The following TIMM44 variants were observed in gnomAD, a reference collection of about 807,000 sequenced individuals.
TIMM44 encodes translocase of inner mitochondrial membrane 44.
TIMM44 carries 37 observed loss-of-function variants against 63.8 expected under a neutral mutation model. The ratio of observed to expected loss-of-function variants is 0.58; its 90% CI spans 0.45 to 0.76. The LOEUF (loss-of-function observed/expected upper bound fraction) is 0.76, where lower values mean the gene tolerates loss of function less well. Ranked by LOEUF, TIMM44 falls within the 30% of genes least tolerant of loss-of-function variation. The pLI, the probability that TIMM44 is intolerant of heterozygous loss-of-function variation, is 0.00. For missense variants in TIMM44, 573 were observed against 603.8 expected, an observed-to-expected ratio of 0.95 and a Z score of 0.54; for synonymous variants, 239 against 245.1, an observed-to-expected ratio of 0.98 and a Z score of 0.23.
In TIMM44 at chr19:7,933,683, C is replaced by T. The variant is rs540475304; in HGVS notation, c.684-113G>A. 8.8e-5 allele frequency: 114 copies of T among 1,302,672 alleles called. 2 individuals are homozygous for T. In the South Asian group the frequency reaches 1.3e-3, roughly 15 times the overall value. The allele number at this position is 1,302,672 out of a possible 1,614,324, so 80.7% of individuals were successfully genotyped here. A position where few individuals can be genotyped will look rare whatever the true frequency, so the allele number is the denominator to read the frequency against. On this transcript the variant is annotated intron_variant, in intron 6 of 12. Transcript: ENST00000270538. The surrounding 1 kb of genome is among the most constrained non-coding windows in gnomAD (Gnocchi z 4.3). ...ACAGCAGGCAGCTGAGACCTCAAAC[C>T]TAGGGGCTCTGAGGACCCCGCCCTC...
rs556196182 is a variant in TIMM44 at position 7,934,314 on chromosome 19, C to A, written c.394-76G>T. 1.7e-5 allele frequency: 27 copies of A among 1,580,976 alleles called. No homozygotes were observed. In the South Asian group the frequency reaches 2.9e-4, roughly 17 times the overall value. ...GGGGGCGGGGCAGGAGGAATGAATTCCTGCCGGAGAGAAGGGCGGATCTGG... is the reference window on the plus strand; with the variant it reads ...GGGGGCGGGGCAGGAGGAATGAATTACTGCCGGAGAGAAGGGCGGATCTGG... On this transcript the variant is annotated intron_variant, in intron 4 of 12. Coordinates refer to ENST00000270538, the MANE Select transcript of TIMM44 (RefSeq NM_006351.4). This position sits in a 1 kb window ranked among gnomAD's most constrained non-coding sequence, Gnocchi z 5.3.
Position 7,938,180 on chromosome 19 carries a change from A to G in TIMM44, c.159T>C (p.Ser53=). 6.2e-7 allele frequency: 1 copy of G among 1,613,480 alleles called. No individual in the cohort carries two copies. Among genetic ancestry groups the G allele is most frequent in the Non-Finnish European group, 8.5e-7 (1 of 1,179,872 alleles). The change falls in exon 3 of 13, where the codon TCT becomes TCC. Residue 53 remains serine (S), a synonymous_variant. Coordinates refer to ENST00000270538, the MANE Select transcript of TIMM44 (RefSeq NM_006351.4). The part of the protein sequence containing the change: ...GELPLSKSYS[S]GNRKGFLSGL... ...CGGACAGAAAGCCTTTTCTGTTTCC[A>G]GAAGAATATGATTTGGACTAGAAAG...
rs1286086903 is a variant in TIMM44, at chr19:7,932,739, G to A, written c.875C>T (p.Ser292Phe). ...GAGCACCTCCGACATCTCTGTCTTGGAGAACAGGCCCCCTGCAGGGAGCAG... is the reference window on the plus strand; with the variant it reads ...GAGCACCTCCGACATCTCTGTCTTGAAGAACAGGCCCCCTGCAGGGAGCAG... ...KVTDLLGGLF[S>F]KTEMSEVLTE... Residue 292 changes from serine to phenylalanine, a missense_variant, in exon 9 of 13, where the codon TCC (serine) becomes TTC (phenylalanine). Transcript: ENST00000270538. The A allele has an allele frequency of 6.2e-7, 1 of 1,614,124 alleles. No homozygotes were observed. The highest frequency in any genetic ancestry group is 2.2e-5 in the East Asian group (1 of 44,882).
chr19:7,932,539 G>A, intron 9 of TIMM44, 88 bp downstream of exon 9: 1 of 1,569,542 alleles, frequency 6.4e-7, no homozygotes, highest in Non-Finnish European at 8.7e-7. Context: ...AGAGTTCCCT[G>A]GCAGCACCCA....
intron 12 of TIMM44, 67 bp from the exon 13 acceptor site, chr19:7,927,373 G>GC: frequency 6.5e-7 from 1 of 1,529,272 alleles, no homozygotes; most frequent in Non-Finnish European, 9.0e-7. Flanking sequence ...CTGGGGGGGG[G>GC]CCAGGCTCTG....
At position 7,934,026 on chromosome 19, in the gene TIMM44, C is replaced by A; in HGVS notation, c.544-23G>T. 1 of 1,613,684 alleles carries A rather than the reference C, an allele frequency of 6.2e-7. No homozygotes were observed. ...CCCCTGCGAGGGAGGCACAGCGGGGCTGGGGTGGGTGTCTGGGTTCGGCCG... is the reference window on the plus strand; with the variant it reads ...CCCCTGCGAGGGAGGCACAGCGGGGATGGGGTGGGTGTCTGGGTTCGGCCG... On this transcript the variant is annotated intron_variant, in intron 5 of 12. Coordinates refer to ENST00000270538, the MANE Select transcript of TIMM44 (RefSeq NM_006351.4). This position sits in a 1 kb window ranked among gnomAD's most constrained non-coding sequence, Gnocchi z 5.3.
At chr19:7,930,402 G>T (rs34629355) in intron 10 of TIMM44, among the ~76,000 whole-genome samples, 1 of 148,358 alleles carries the variant, frequency 6.7e-6, no homozygotes, top group African/African-American at 2.5e-5. Context: ...TCCACCTCCC[G>T]GATTTAAGCA....
At chr19:7,942,989 G>C (rs1320680231) in intron 1 of TIMM44, among the ~76,000 whole-genome samples, 2 of 145,924 alleles carry the variant, frequency 1.4e-5, no homozygotes, top group East Asian at 2.1e-4. Flanking sequence ...GCAGTGAGCC[G>C]AGATCGCGCC....
intron 10 of TIMM44, among the ~76,000 whole-genome samples, chr19:7,929,263 C>T (rs1024601213): frequency 2.0e-5 from 3 of 152,192 alleles, no homozygotes; most frequent in South Asian, 2.1e-4. Flanking sequence ...ACCCCAGGTA[C>T]GCGGTGCTGC....
rs762570851 is a variant in TIMM44, at chr19:7,941,136, T to C, written c.107A>G (p.Tyr36Cys). Residue 36 changes from tyrosine to cysteine, a missense_variant, in exon 2 of 13, where the codon TAT (tyrosine) becomes TGT (cysteine). Physicochemically the swap from Tyr to Cys is radical, Grantham distance 194 (BLOSUM62 -2). Transcript: ENST00000270538. ...CTCTCCGCCCGGCCGGCGCATCTGATAGGTCGACCCATGGGGTAGGTTGTG... is the reference window on the plus strand; with the variant it reads ...CTCTCCGCCCGGCCGGCGCATCTGACAGGTCGACCCATGGGGTAGGTTGTG... ...SSHNLPHGST[Y>C]QMRRPGGELP... 5.0e-6 allele frequency: 8 copies of C among 1,614,100 alleles called. No homozygotes were observed. The South Asian group carries it at 6.6e-5, about 13-fold the overall frequency.
At chr19:7,931,017 C>T (rs550012365) in intron 10 of TIMM44, 121 bp downstream of exon 10, 4 of 846,598 alleles carry the variant, frequency 4.7e-6, no homozygotes, top group South Asian at 4.6e-5. Flanking sequence ...AGGATTCCCC[C>T]ACCGGGAGCC....
Position 7,933,840 on chromosome 19 carries a change from C to G in TIMM44, c.683+24G>C. 1 of 1,613,654 alleles carries G rather than the reference C, an allele frequency of 6.2e-7. No homozygotes were observed. Among genetic ancestry groups the G allele is most frequent in the Non-Finnish European group, 8.5e-7 (1 of 1,179,994 alleles). On this transcript the variant is annotated intron_variant, in intron 6 of 12. Transcript: ENST00000270538. This position sits in a 1 kb window ranked among gnomAD's most constrained non-coding sequence, Gnocchi z 4.3. ...TGAAAGCTGCCCAAAATGGGGGCAG[C>G]GAGGGCCACGGGCTGGTACCTACTC...
At position 7,927,116 on chromosome 19, in the gene TIMM44, G is replaced by A; in HGVS notation, c.*71C>T. ...GTCTTGTTCCCAGAGGTCTGGAGTTGCCGCAGGTGGTGTTGCGGTGCCTCT... is the reference window on the plus strand; with the variant it reads ...GTCTTGTTCCCAGAGGTCTGGAGTTACCGCAGGTGGTGTTGCGGTGCCTCT... On this transcript the variant is annotated 3_prime_UTR_variant, in exon 13 of 13. Transcript: ENST00000270538. The A allele has an allele frequency of 6.5e-7, 1 of 1,542,644 alleles. No homozygotes were observed. The highest frequency in any genetic ancestry group is 1.2e-5 in the South Asian group (1 of 85,102).
intron 10 of TIMM44, among the ~76,000 whole-genome samples, chr19:7,929,553 T>C (rs1983919490): frequency 6.6e-6 from 1 of 152,160 alleles, no homozygotes; most frequent in Non-Finnish European, 1.5e-5. Context: ...GTGGGTTCCC[T>C]CTGGCCCGGG....
Position 7,927,020 on chromosome 19 carries a change from A to T in TIMM44, c.*167T>A, listed in dbSNP as rs533900354. 3.4e-4 allele frequency: 338 copies of T among 981,264 alleles called. No individual in the cohort carries two copies. Among genetic ancestry groups the T allele is most frequent in the Non-Finnish European group, 4.9e-4 (324 of 660,024 alleles). 60.8% of individuals were successfully genotyped at this position (981,264 alleles called of 1,614,324 possible). A position where few individuals can be genotyped will look rare whatever the true frequency, so the allele number is the denominator to read the frequency against. Reference sequence around the variant, plus strand: ...TGTCTCCAGCTGCCGCGCACCCGCAACAGCCCGTTGTCCCCTCCCGGGCCA... The same window carrying T: ...TGTCTCCAGCTGCCGCGCACCCGCATCAGCCCGTTGTCCCCTCCCGGGCCA... On this transcript the variant is annotated 3_prime_UTR_variant, in exon 13 of 13. Transcript: ENST00000270538.
Position 7,943,618 on chromosome 19 carries a change from G to C in TIMM44, c.34C>G (p.Arg12Gly), listed in dbSNP as rs773262994. The C allele has an allele frequency of 9.0e-6, 14 of 1,559,250 alleles. No homozygotes were observed. Among genetic ancestry groups the C allele is most frequent in the Non-Finnish European group, 1.2e-5 (14 of 1,159,620 alleles). ...AAAALRSGWC[R>G]CPRRCLGSGI... ...GCACCGCCGCTCACCCGTGGACAGC[G>C]GCACCAGCCACTCCGCAGGGCCGCC... Residue 12 changes from arginine (R) to glycine (G), a missense_variant, in exon 1 of 13, where the codon CGC becomes GGC. Coordinates refer to ENST00000270538, the MANE Select transcript of TIMM44 (RefSeq NM_006351.4). This position sits in a 1 kb window ranked among gnomAD's most constrained non-coding sequence, Gnocchi z 4.3.
chr19:7,927,935 G>A lies in TIMM44; in HGVS notation c.1128+142C>T, dbSNP rs560892667. 1.5e-4 allele frequency: 165 copies of A among 1,102,796 alleles called. 1 individual carries two copies. The highest frequency in any genetic ancestry group is 1.4e-3 in the African/African-American group (92 of 64,422). 68.3% of individuals were successfully genotyped at this position (1,102,796 alleles called of 1,614,324 possible). On this transcript the variant is annotated intron_variant, in intron 11 of 12. Transcript: ENST00000270538. ...CTCAGGCCAGGACCAGGCCTCCCTC[G>A]AGACCCTCCCCTTGGACAAGCCCAA...
chr19:7,928,587 C>CCAGTGT (rs1363340603), intron 10 of TIMM44: 11 of 172,384 alleles, frequency 6.4e-5, no homozygotes, highest in African/African-American at 2.6e-4. Flanking sequence ...TGACCAGCCC[C>CCAGTGT]CAGTGTCACC....
intron 7 of TIMM44, 51 bp from the exon 8 acceptor site, chr19:7,932,983 A>C: frequency 1.4e-6 from 2 of 1,448,960 alleles, no homozygotes; most frequent in Non-Finnish European, 1.9e-6. Context: ...CAGAAACACA[A>C]CCCTCCCTCA....
Sources: gnomAD v4.1 joint callset for allele counts (sites outside exome capture counted in the v4.1 genomes callset) on GRCh38, gnomAD v4.1.1 for gene constraint, Gnocchi (gnomAD v3.1) non-coding constraint, MANE v1.5 for transcripts, NCBI Gene and HGNC (gene_info 2026-07-23, HGNC 2026-07-21) for gene names.